Variants in GPC5 observed in about 807,000 individuals in gnomAD.
GPC5 encodes the protein glypican 5.
In GPC5, 47 loss-of-function variants were observed where a neutral mutation model predicts 53.9. The observed-to-expected ratio is 0.87, with a 90% CI of 0.69 to 1.11. GPC5 has a LOEUF of 1.11. Among genes scored for constraint, GPC5 ranks in the 50% most tolerant of loss-of-function variants. The pLI, the probability that GPC5 is intolerant of heterozygous loss-of-function variation, is 0.00. For missense variants in GPC5, 748 were observed against 713.1 expected (o/e 1.05, Z -0.56); for synonymous variants, 286 against 263.3 (o/e 1.09, Z -0.84).
At chr13:92,800,139 T>A (rs1224162284) in intron 7 of GPC5, among the ~76,000 whole-genome samples, 1 of 151,860 alleles carries the variant, frequency 6.6e-6, no homozygotes, top group Non-Finnish European at 1.5e-5. Flanking sequence ...GCTCCCAAAC[T>A]TCTGACACAC....
At chr13:92,038,695 T>C (rs2040917178) in intron 6 of GPC5, among the ~76,000 whole-genome samples, 4 of 151,678 alleles carry the variant, frequency 2.6e-5, no homozygotes, top group Middle Eastern at 6.8e-3. Flanking sequence ...GATAGATAGA[T>C]AGATAGATAG....
intron 7 of GPC5, among the ~76,000 whole-genome samples, chr13:92,164,517 G>C (rs2042013185): frequency 6.6e-6 from 1 of 152,188 alleles, no homozygotes; most frequent in African/African-American, 2.4e-5. Flanking sequence ...GCAAGAGGTG[G>C]GTTCCCATGG....
intron 6 of GPC5, among the ~76,000 whole-genome samples, chr13:92,104,522 A>G (rs1052794209): frequency 6.6e-6 from 1 of 152,184 alleles, no homozygotes; most frequent in Non-Finnish European, 1.5e-5. Flanking sequence ...TAAGTAGGTC[A>G]GATACATGCC....
chr13:92,464,764 ATAGAAT>A (rs1239989608), intron 7 of GPC5, among the ~76,000 whole-genome samples: 2 of 152,134 alleles, frequency 1.3e-5, no homozygotes, highest in Admixed American at 6.6e-5. Context: ...GCATATCATG[ATAGAAT>A]TAGAATATGC....
intron 7 of GPC5, among the ~76,000 whole-genome samples, chr13:92,147,456 T>A (rs9560938): frequency 0.035 from 5,377 of 152,128 alleles, 216 homozygotes; most frequent in African/African-American, 0.099. Context: ...CATGAAGTTA[T>A]TTACAAGTTC....
chr13:92,089,136 A>C (rs1419344132), intron 6 of GPC5, among the ~76,000 whole-genome samples: 2 of 152,134 alleles, frequency 1.3e-5, no homozygotes, highest in Non-Finnish European at 2.9e-5. Context: ...CAGTTTGGCA[A>C]ATAAAATTTA....
intron 3 of GPC5, among the ~76,000 whole-genome samples, chr13:91,722,042 T>G (rs1029601120): frequency 6.6e-6 from 1 of 152,202 alleles, no homozygotes; most frequent in Admixed American, 6.5e-5. Flanking sequence ...GAGGGCTCAG[T>G]GTATTGATTG....
intron 2 of GPC5, among the ~76,000 whole-genome samples, chr13:91,639,333 G>A (rs1390698014): frequency 6.6e-6 from 1 of 152,202 alleles, no homozygotes; most frequent in Non-Finnish European, 1.5e-5. Flanking sequence ...TACTTTCAGA[G>A]TAGAGGGCCC....
At position 91,969,562 on chromosome 13, in the gene GPC5, T is replaced by A. The variant is rs542232403; in HGVS notation, c.1401+61505T>A. ...AAAAGCTTCTGTACATCAAAGAGAA[T>A]AATCAACAAAATGAAAGGGCAACCT... is the stretch of plus-strand genomic sequence containing the variant. On this transcript the variant is annotated intron_variant, in intron 6 of 7. Coordinates refer to ENST00000377067, the MANE Select transcript of GPC5 (RefSeq NM_004466.6). Among the ~76,000 whole-genome samples the A allele has an allele frequency of 2.0e-4, 31 of 151,984 alleles. 1 individual carries two copies. The highest frequency in any genetic ancestry group is 4.4e-4 in the Non-Finnish European group (30 of 67,982).
At chr13:92,316,930 T>C (rs1314203756) in intron 7 of GPC5, among the ~76,000 whole-genome samples, 1 of 152,152 alleles carries the variant, frequency 6.6e-6, no homozygotes, top group Non-Finnish European at 1.5e-5. Context: ...TGAAATACAA[T>C]ATATTGTATT....
intron 2 of GPC5, among the ~76,000 whole-genome samples, chr13:91,559,188 T>G (rs2031122967): frequency 6.6e-6 from 1 of 152,150 alleles, no homozygotes; most frequent in Non-Finnish European, 1.5e-5. Flanking sequence ...ATCTACTGCA[T>G]GCAGAATCAG....
Position 92,513,483 on chromosome 13 carries a change from T to TTTTTTA in GPC5, c.1562-352799_1562-352798insTTTTTA, listed in dbSNP as rs60939622. Reference sequence around the variant, plus strand: ...AAAGCTTTTTTCTGTTTTTTTTTTTTAATTAAGGCATATAAGACATCTTTC... The same window carrying TTTTTTA: ...AAAGCTTTTTTCTGTTTTTTTTTTTTTTTTTAAATTAAGGCATATAAGACATCTTTC... On this transcript the variant is annotated intron_variant, in intron 7 of 7. Coordinates refer to ENST00000377067, the MANE Select transcript of GPC5 (RefSeq NM_004466.6). 2.4e-4 allele frequency among the ~76,000 whole-genome samples: 36 copies of TTTTTTA among 148,694 alleles called. No homozygotes were observed. In the East Asian group the frequency reaches 6.0e-3, roughly 25 times the overall value.
At chr13:92,345,312 G>T (rs1445486379) in intron 7 of GPC5, among the ~76,000 whole-genome samples, 4 of 152,064 alleles carry the variant, frequency 2.6e-5, no homozygotes, top group African/African-American at 9.7e-5. Flanking sequence ...ATAAAAGACA[G>T]ATTGAATGTA....
At chr13:91,447,439 T>C (rs989199792) in intron 1 of GPC5, among the ~76,000 whole-genome samples, 2 of 152,116 alleles carry the variant, frequency 1.3e-5, no homozygotes, top group Non-Finnish European at 2.9e-5. Flanking sequence ...ACTGTGACAC[T>C]TACGAATATT....
At chr13:92,484,481 A>G (rs910153350) in intron 7 of GPC5, 3 of 152,210 alleles carry the variant, frequency 2.0e-5, no homozygotes, top group Admixed American at 1.3e-4. Context: ...TATGCATACT[A>G]TATGACTGGC....
At chr13:92,718,158 TA>T (rs1888391341) in intron 7 of GPC5, among the ~76,000 whole-genome samples, 1 of 152,090 alleles carries the variant, frequency 6.6e-6, no homozygotes, top group South Asian at 2.1e-4. Context: ...CTCATAAAAC[TA>T]AAAATAGAAC....
At chr13:92,777,256 A>C (rs923503987) in intron 7 of GPC5, among the ~76,000 whole-genome samples, 1 of 150,188 alleles carries the variant, frequency 6.7e-6, no homozygotes. Flanking sequence ...GAATCACTTG[A>C]ACCCAGGAGG....
chr13:91,964,249 C>G (rs1187474849), intron 6 of GPC5, among the ~76,000 whole-genome samples: 1 of 152,146 alleles, frequency 6.6e-6, no homozygotes, highest in Non-Finnish European at 1.5e-5. Context: ...AGATTTCTTG[C>G]AAACAGTGAA....
chr13:91,531,877 C>T (rs750309821), intron 2 of GPC5, among the ~76,000 whole-genome samples: 24 of 152,264 alleles, frequency 1.6e-4, no homozygotes, highest in Non-Finnish European at 3.2e-4. Context: ...GTGGCTGAAA[C>T]ACTCTCTTTC....
Sources: gnomAD v4.1 joint callset for allele counts (sites outside exome capture counted in the v4.1 genomes callset) on GRCh38, gnomAD v4.1.1 for gene constraint, MANE v1.5 for transcripts, NCBI Gene and HGNC (gene_info 2026-07-23, HGNC 2026-07-21) for gene names.